HDAC9: variants seen among roughly 807,000 people sequenced by gnomAD.
The protein encoded by HDAC9 is histone deacetylase 9, also known as MEF-2 interacting transcription repressor (MITR) protein.
HDAC9 carries 41 observed loss-of-function variants against 139.4 expected under a neutral mutation model. That is an observed-to-expected ratio of 0.29 (90% CI 0.23 to 0.38). The LOEUF is 0.38. Ranked by LOEUF, HDAC9 falls within the 10% of genes least tolerant of loss-of-function variation. HDAC9 has a pLI of 1.00. For missense variants in HDAC9, 1,147 were observed against 1,297.0 expected, an observed-to-expected ratio of 0.88 and a Z score of 1.78; for synonymous variants, 517 against 476.2, an observed-to-expected ratio of 1.09 and a Z score of -1.12.
chr7:18,190,027 C>T (rs566488763), intron 2 of HDAC9, among the ~76,000 whole-genome samples: 1 of 152,084 alleles, frequency 6.6e-6, no homozygotes, highest in African/African-American at 2.4e-5. Flanking sequence ...GCAACCTCTG[C>T]CTCCCGGGTT....
At chr7:18,851,242 C>A (rs1202923458) in intron 21 of HDAC9, among the ~76,000 whole-genome samples, 1 of 152,156 alleles carries the variant, frequency 6.6e-6, no homozygotes, top group Non-Finnish European at 1.5e-5. Flanking sequence ...TGAATCTCAT[C>A]TCGAATTGTA....
At chr7:18,184,159 G>A (rs1326860738) in intron 2 of HDAC9, among the ~76,000 whole-genome samples, 8 of 152,166 alleles carry the variant, frequency 5.3e-5, no homozygotes, top group African/African-American at 1.9e-4. Context: ...AGCACTTTGG[G>A]AGGCTGAGGC....
chr7:18,189,113 A>C (rs186685384), intron 2 of HDAC9, among the ~76,000 whole-genome samples: 7 of 152,344 alleles, frequency 4.6e-5, no homozygotes, highest in Middle Eastern at 3.4e-3. Flanking sequence ...TCAATGATAG[A>C]CTGGCTAAAG....
intron 1 of HDAC9, among the ~76,000 whole-genome samples, chr7:18,305,866 A>G (rs144513074): frequency 1.2e-4 from 19 of 152,124 alleles, no homozygotes; most frequent in African/African-American, 4.6e-4. Flanking sequence ...GGGTTGGTGA[A>G]GGGAAGTACT....
intron 2 of HDAC9, among the ~76,000 whole-genome samples, chr7:18,278,081 CTTCCT>C (rs1425409459): frequency 6.6e-6 from 1 of 152,338 alleles, no homozygotes; most frequent in African/African-American, 2.4e-5. Flanking sequence ...ACAGGAATCT[CTTCCT>C]TTCGGAAGTA....
intron 11 of HDAC9, among the ~76,000 whole-genome samples, chr7:18,655,462 T>G (rs1790807027): frequency 6.6e-6 from 1 of 152,182 alleles, no homozygotes; most frequent in African/African-American, 2.4e-5. Flanking sequence ...TAGATTCTTT[T>G]AAATACGTAG....
intron 2 of HDAC9, among the ~76,000 whole-genome samples, chr7:18,235,571 A>G (rs1584773447): frequency 6.6e-6 from 1 of 152,200 alleles, no homozygotes; most frequent in Non-Finnish European, 1.5e-5. Flanking sequence ...ATTTATATGT[A>G]TCCAGGTTTT....
chr7:18,237,397 A>T (rs1176462303), intron 2 of HDAC9, among the ~76,000 whole-genome samples: 2 of 152,182 alleles, frequency 1.3e-5, no homozygotes, highest in Non-Finnish European at 2.9e-5. Flanking sequence ...AAGGAAAATC[A>T]CTTTGAGTGG....
At chr7:18,653,239 CAA>C (rs397971219) in intron 11 of HDAC9, among the ~76,000 whole-genome samples, 1 of 82,262 alleles carries the variant, frequency 1.2e-5, no homozygotes, top group Non-Finnish European at 2.7e-5. Context: ...AACTCCATCT[CAA>C]AAAAAAAAAA....
In HDAC9 at chr7:18,172,850, T is replaced by C. The variant is rs563302807; in HGVS notation, c.25+10501T>C. 1.6e-4 allele frequency among the ~76,000 whole-genome samples: 24 copies of C among 152,340 alleles called. No individual in the cohort carries two copies. In the South Asian group the frequency reaches 4.1e-3, roughly 26 times the overall value. ...ATAATTTCTCTTCTTTTACATTTGCTGAGGAGTGCTTTACTTCCAACTGTG... is the reference window on the plus strand; with the variant it reads ...ATAATTTCTCTTCTTTTACATTTGCCGAGGAGTGCTTTACTTCCAACTGTG... On this transcript the variant is annotated intron_variant, in intron 2 of 12. Coordinates refer to the HDAC9 transcript ENST00000417496.
chr7:18,793,171 C>T lies in HDAC9; in HGVS notation c.2215-174C>T, dbSNP rs141076905. 806 of 594,356 alleles carry T rather than the reference C, an allele frequency of 1.4e-3. 1 individual carries two copies. The highest frequency in any genetic ancestry group is 1.8e-3 in the Non-Finnish European group (605 of 329,404). The allele number at this position is 594,356 out of a possible 1,614,324, so 36.8% of individuals were successfully genotyped here. A position where few individuals can be genotyped will look rare whatever the true frequency, so the allele number is the denominator to read the frequency against. ...AGAAGGCCTTTTCAGCTGGCCAAGA[C>T]GGAAGACTAATGTTATTGTACATAG... On this transcript the variant is annotated intron_variant, in intron 16 of 25. Transcript: ENST00000686413.
At chr7:18,384,595 C>G (rs1039069860) in intron 1 of HDAC9, among the ~76,000 whole-genome samples, 18 of 152,028 alleles carry the variant, frequency 1.2e-4, no homozygotes, top group Non-Finnish European at 2.2e-4. Context: ...TGGCGTTCTG[C>G]TTTTAAACAT....
intron 16 of HDAC9, among the ~76,000 whole-genome samples, chr7:18,776,639 G>T (rs1246515956): frequency 6.6e-6 from 1 of 152,014 alleles, no homozygotes; most frequent in African/African-American, 2.4e-5. Flanking sequence ...GCAAGGAAGG[G>T]GTGTGGAGTC....
intron 1 of HDAC9, among the ~76,000 whole-genome samples, chr7:18,301,656 G>GA (rs1157649003): frequency 1.3e-5 from 2 of 152,056 alleles, no homozygotes; most frequent in East Asian, 3.9e-4. Context: ...CATGTGTATA[G>GA]AAAAAATCAG....
chr7:18,368,277 G>T (rs1463474372), intron 1 of HDAC9, among the ~76,000 whole-genome samples: 1 of 151,966 alleles, frequency 6.6e-6, no homozygotes, highest in Admixed American at 6.6e-5. Context: ...AGATGAAAGT[G>T]ATCTATCACT....
intron 13 of HDAC9, among the ~76,000 whole-genome samples, chr7:18,728,814 T>C (rs1785781488): frequency 6.6e-6 from 1 of 152,182 alleles, no homozygotes; most frequent in Admixed American, 6.5e-5. Flanking sequence ...ATGAATGAAA[T>C]AGCCAAGTTA....
chr7:18,588,545 G>A (rs568970252), intron 3 of HDAC9, among the ~76,000 whole-genome samples: 1 of 152,216 alleles, frequency 6.6e-6, no homozygotes, highest in South Asian at 2.1e-4. Context: ...CAAAGTTTGG[G>A]TACATTGAAC....
chr7:18,135,438 G>A (rs113019191), intron 1 of HDAC9, among the ~76,000 whole-genome samples: 10 of 109,926 alleles, frequency 9.1e-5, no homozygotes, highest in African/African-American at 1.4e-4. Flanking sequence ...ATCTCCCAAT[G>A]CTATCCCTCC....
chr7:18,120,101 T>A (rs763543705), intron 1 of HDAC9, among the ~76,000 whole-genome samples: 4 of 152,282 alleles, frequency 2.6e-5, no homozygotes, highest in Middle Eastern at 3.4e-3. Context: ...TACTACTGGG[T>A]AGAAAAGTCA....
Sources: gnomAD v4.1 joint callset for allele counts (sites outside exome capture counted in the v4.1 genomes callset) on GRCh38, gnomAD v4.1.1 for gene constraint, MANE v1.5 for transcripts, NCBI Gene and HGNC (gene_info 2026-07-23, HGNC 2026-07-21) for gene names.